DENND1B: variants seen among roughly 807,000 people sequenced by gnomAD.
DENND1B encodes DENN domain-containing protein 1B.
DENND1B carries 59 observed loss-of-function variants against 90.1 expected under a neutral mutation model. That is an observed-to-expected ratio of 0.65 (90% confidence interval 0.53 to 0.81). The LOEUF is 0.81. Among genes scored for constraint, DENND1B ranks in the 40% least tolerant of loss-of-function variants. The probability of loss-of-function intolerance (pLI) is 0.00; values close to 1 mark genes in which losing one functional copy is unlikely to be tolerated. For missense variants in DENND1B, 862 were observed against 912.6 expected (o/e 0.94, Z 0.71); for synonymous variants, 337 against 324.6 (o/e 1.04, Z -0.41).
chr1:197,564,009 AT>A (rs372467684), intron 15 of DENND1B, among the ~76,000 whole-genome samples: 16 of 152,094 alleles, frequency 1.1e-4, no homozygotes, highest in African/African-American at 3.9e-4. Flanking sequence ...TTGCTGTAAT[AT>A]CATAATAAAA....
chr1:197,524,257 T>G (rs1010713048), intron 20 of DENND1B, among the ~76,000 whole-genome samples: 1 of 152,120 alleles, frequency 6.6e-6, no homozygotes, highest in African/African-American at 2.4e-5. Flanking sequence ...TTGTTAAAAG[T>G]TGACAGGATA....
chr1:197,513,789 G>A (rs1668204677), intron 20 of DENND1B, among the ~76,000 whole-genome samples: 1 of 151,358 alleles, frequency 6.6e-6, no homozygotes, highest in Non-Finnish European at 1.5e-5. Context: ...TGGTAGATAT[G>A]TTTCTCAGGT....
intron 2 of DENND1B, among the ~76,000 whole-genome samples, chr1:197,759,526 G>A (rs1175854207): frequency 1.3e-5 from 2 of 151,278 alleles, no homozygotes; most frequent in East Asian, 1.9e-4. Flanking sequence ...GTGGCATGAG[G>A]TGGTGCAAAG....
chr1:197,626,434 A>C (rs188522522), intron 10 of DENND1B, among the ~76,000 whole-genome samples: 6 of 152,166 alleles, frequency 3.9e-5, no homozygotes, highest in African/African-American at 1.2e-4. Context: ...TGGGTACATA[A>C]ATAATGAAAT....
At chr1:197,630,922 T>A (rs1380514356) in intron 10 of DENND1B, among the ~76,000 whole-genome samples, 1 of 152,164 alleles carries the variant, frequency 6.6e-6, no homozygotes, top group Non-Finnish European at 1.5e-5. Flanking sequence ...CCACCATTAC[T>A]GCTGTACTCA....
At chr1:197,703,487 A>G (rs1659236456) in intron 3 of DENND1B, among the ~76,000 whole-genome samples, 1 of 152,174 alleles carries the variant, frequency 6.6e-6, no homozygotes, top group Non-Finnish European at 1.5e-5. Context: ...AGCAATCATG[A>G]ATCTGTTGGA....
At chr1:197,719,617 C>A (rs1277984423) in intron 2 of DENND1B, among the ~76,000 whole-genome samples, 2 of 152,090 alleles carry the variant, frequency 1.3e-5, no homozygotes, top group Non-Finnish European at 2.9e-5. Context: ...CCATTTCAGG[C>A]AGAGTTCTCA....
chr1:197,621,054 G>A (rs1449363153), intron 10 of DENND1B, among the ~76,000 whole-genome samples: 1 of 151,190 alleles, frequency 6.6e-6, no homozygotes, highest in Non-Finnish European at 1.5e-5. Flanking sequence ...AGTCCCAGGT[G>A]AGAACATGCT....
At chr1:197,647,389 T>G (rs1282903410) in intron 7 of DENND1B, among the ~76,000 whole-genome samples, 1 of 142,694 alleles carries the variant, frequency 7.0e-6, no homozygotes, top group Non-Finnish European at 1.5e-5. Flanking sequence ...TCATTAGACA[T>G]TAACTTTTTA....
chr1:197,562,365 T>C (rs1672242869), intron 15 of DENND1B, among the ~76,000 whole-genome samples: 1 of 151,938 alleles, frequency 6.6e-6, no homozygotes, highest in Non-Finnish European at 1.5e-5. Flanking sequence ...AATCTGTCAG[T>C]GCCATTTTTC....
At chr1:197,545,587 G>C (rs552939458) in intron 18 of DENND1B, 2 of 197,470 alleles carry the variant, frequency 1.0e-5, no homozygotes, top group African/African-American at 2.4e-5. Context: ...TACTTGAGCC[G>C]CAAGTACACA....
At chr1:197,585,234 T>C (rs1265279528) in intron 14 of DENND1B, among the ~76,000 whole-genome samples, 3 of 152,146 alleles carry the variant, frequency 2.0e-5, no homozygotes, top group Non-Finnish European at 4.4e-5. Flanking sequence ...AAAATAAAAA[T>C]AGCAAATGAG....
At chr1:197,606,016 G>A (rs1424462573) in intron 13 of DENND1B, 1 of 150,788 alleles carries the variant, frequency 6.6e-6, no homozygotes, top group African/African-American at 2.4e-5. Context: ...TGCTCTGAAG[G>A]CATTTTTATT....
chr1:197,651,620 G>T (rs1054523093), intron 7 of DENND1B, among the ~76,000 whole-genome samples: 1 of 148,604 alleles, frequency 6.7e-6, no homozygotes, highest in Non-Finnish European at 1.5e-5. Flanking sequence ...TATTATGCAC[G>T]GATTTCACCT....
upstream of DENND1B, among the ~76,000 whole-genome samples, chr1:197,776,174 G>A (rs1306477931): frequency 6.6e-6 from 1 of 152,128 alleles, no homozygotes; most frequent in Non-Finnish European, 1.5e-5. Context: ...GCGTGGGAGG[G>A]ACTGATTTAC....
the DENND1B span, among the ~76,000 whole-genome samples, chr1:197,781,381 C>A: frequency 2.0e-5 from 3 of 152,154 alleles, no homozygotes; most frequent in South Asian, 2.1e-4. Context: ...AGTATTACCA[C>A]CTTCATTTAT....
chr1:197,738,589 T>A (rs1008302474), intron 2 of DENND1B, among the ~76,000 whole-genome samples: 8 of 152,210 alleles, frequency 5.3e-5, no homozygotes, highest in Non-Finnish European at 1.2e-4. Context: ...TCCTCAGAAC[T>A]TCCATGGTAA....
chr1:197,658,426 C>A, intron 5 of DENND1B, 57 bp from the exon 6 acceptor site: 1 of 1,150,338 alleles, frequency 8.7e-7, no homozygotes, highest in Admixed American at 1.9e-5. Context: ...AGAAAACAGA[C>A]AATATAAACA....
intron 15 of DENND1B, 71 bp downstream of exon 15, chr1:197,583,077 AGTTT>A (rs1674384534): frequency 7.4e-7 from 1 of 1,353,730 alleles, no homozygotes; most frequent in African/African-American, 1.4e-5. Flanking sequence ...GTTTGTACAT[AGTTT>A]TATAGTAATA....
Sources: allele counts gnomAD v4.1 joint callset (sites outside exome capture counted in the v4.1 genomes callset), GRCh38; gene constraint gnomAD v4.1.1; transcripts MANE v1.5; gene names NCBI Gene and HGNC (gene_info 2026-07-23, HGNC 2026-07-21).